Variants in LIMS1 observed in about 807,000 individuals in gnomAD.
LIMS1 encodes the protein LIM zinc finger domain containing 1.
LIMS1 carries 18 observed loss-of-function variants against 44.1 expected under a neutral mutation model. The observed-to-expected ratio is 0.41, with a 90% CI of 0.28 to 0.61. LIMS1 has a LOEUF of 0.61. Ranked by LOEUF, LIMS1 falls within the 20% of genes least tolerant of loss-of-function variation. The pLI is 0.32. For synonymous variants in LIMS1, 93 were observed against 149.1 expected (o/e 0.62, Z 2.74); for missense variants, 201 against 422.0 (o/e 0.48, Z 4.59).
At chr2:108,592,398 A>G (rs1185684106) in intron 1 of LIMS1, among the ~76,000 whole-genome samples, 1 of 152,218 alleles carries the variant, frequency 6.6e-6, no homozygotes, top group East Asian at 1.9e-4. Context: ...ATACTTTATC[A>G]GCCCAGATGG....
intron 1 of LIMS1, among the ~76,000 whole-genome samples, chr2:108,574,669 C>G (rs534437922): frequency 6.6e-6 from 1 of 152,242 alleles, no homozygotes; most frequent in East Asian, 1.9e-4. Flanking sequence ...TATTACTATA[C>G]CTGTTTTACA....
chr2:108,627,495 G>A (rs918947318), intron 1 of LIMS1, among the ~76,000 whole-genome samples: 1 of 147,712 alleles, frequency 6.8e-6, no homozygotes, highest in African/African-American at 2.5e-5. Flanking sequence ...TTGTCAGTAC[G>A]CATCATATTA....
At chr2:108,566,152 G>C (rs984112719) in intron 1 of LIMS1, among the ~76,000 whole-genome samples, 4 of 152,128 alleles carry the variant, frequency 2.6e-5, no homozygotes, top group Non-Finnish European at 5.9e-5. Flanking sequence ...GGCAGGTTAG[G>C]CCACTTCTCT....
chr2:108,616,684 A>G (rs184867641), intron 1 of LIMS1, among the ~76,000 whole-genome samples: 16 of 152,190 alleles, frequency 1.1e-4, no homozygotes, highest in Admixed American at 4.6e-4. Context: ...GTTTTTGTGG[A>G]CAGATGCTTC....
chr2:108,674,018 T>C (rs1244988447), intron 5 of LIMS1: 1 of 152,172 alleles, frequency 6.6e-6, no homozygotes, highest in African/African-American at 2.4e-5. Flanking sequence ...TGCTGCCTAG[T>C]ATAAAAATTT....
intron 1 of LIMS1, among the ~76,000 whole-genome samples, chr2:108,560,194 A>T (rs1194178666): frequency 7.9e-5 from 12 of 152,184 alleles, no homozygotes; most frequent in Middle Eastern, 6.8e-3. Context: ...TAGCTTCCTA[A>T]CGAGTTTCCC....
At chr2:108,577,629 A>G (rs933114068) in intron 1 of LIMS1, among the ~76,000 whole-genome samples, 1 of 152,346 alleles carries the variant, frequency 6.6e-6, no homozygotes, top group East Asian at 1.9e-4. Flanking sequence ...TAATTTTTAC[A>G]ATAACTAAAT....
chr2:108,585,217 G>A (rs1686053938), intron 1 of LIMS1, among the ~76,000 whole-genome samples: 1 of 151,462 alleles, frequency 6.6e-6, no homozygotes, highest in South Asian at 2.1e-4. Flanking sequence ...CTTAAGGGAT[G>A]CTGACTGTCC....
At chr2:108,584,787 G>T (rs930173468) in intron 1 of LIMS1, among the ~76,000 whole-genome samples, 4 of 152,122 alleles carry the variant, frequency 2.6e-5, no homozygotes, top group Non-Finnish European at 5.9e-5. Flanking sequence ...TGTGGTATGT[G>T]TATGTCCCTC....
In LIMS1 at chr2:108,648,321, C is replaced by G. The variant is rs1038587004; in HGVS notation, c.33-11284C>G. 2.0e-5 allele frequency among the ~76,000 whole-genome samples: 3 copies of G among 152,132 alleles called. No individual in the cohort carries two copies. The South Asian group carries it at 6.2e-4, about 32-fold the overall frequency. On this transcript the variant is annotated intron_variant, in intron 1 of 9. Coordinates refer to ENST00000544547, the Ensembl canonical transcript of LIMS1. ...CTGCTCAAGGAAATAAGAGAGGACA[C>G]AAACAAATGGAAAAATATTCCATGC... is the stretch of plus-strand genomic sequence containing the variant.
intron 1 of LIMS1, chr2:108,607,242 A>G: frequency 6.4e-7 from 1 of 1,551,172 alleles, no homozygotes; most frequent in Non-Finnish European, 8.7e-7. Context: ...CATCGAATCA[A>G]GATACATGAC....
At chr2:108,556,874 A>T (rs188211852) in intron 1 of LIMS1, among the ~76,000 whole-genome samples, 1 of 152,202 alleles carries the variant, frequency 6.6e-6, no homozygotes, top group South Asian at 2.1e-4. Flanking sequence ...CAGCTGACCA[A>T]TCGTTACCTA....
intron 1 of LIMS1, among the ~76,000 whole-genome samples, chr2:108,575,986 G>A (rs962195347): frequency 2.0e-5 from 3 of 152,154 alleles, no homozygotes; most frequent in Non-Finnish European, 2.9e-5. Context: ...GCCAGGATTT[G>A]AAGTCTTTCT....
chr2:108,676,095 T>G (rs1421285013), intron 6 of LIMS1, 67 bp downstream of exon 6: 2 of 1,499,232 alleles, frequency 1.3e-6, no homozygotes, highest in African/African-American at 2.8e-5. Flanking sequence ...TAACCAATAC[T>G]TTCAGATCTC....
intron 8 of LIMS1, among the ~76,000 whole-genome samples, chr2:108,679,250 G>A (rs972664431): frequency 9.9e-5 from 15 of 151,168 alleles, no homozygotes; most frequent in South Asian, 4.2e-4. Context: ...AGGCCAAGGC[G>A]GGCAGATCAA....
At chr2:108,664,847 A>G (rs1242139438) in intron 2 of LIMS1, among the ~76,000 whole-genome samples, 1 of 152,094 alleles carries the variant, frequency 6.6e-6, no homozygotes, top group Non-Finnish European at 1.5e-5. Context: ...GTGGCAAGGA[A>G]ATCTATTTCT....
At chr2:108,600,499 A>G (rs1192097900) in intron 1 of LIMS1, among the ~76,000 whole-genome samples, 1 of 152,230 alleles carries the variant, frequency 6.6e-6, no homozygotes, top group Non-Finnish European at 1.5e-5. Context: ...TTCATAGTTT[A>G]AGATCTTAGA....
intron 1 of LIMS1, among the ~76,000 whole-genome samples, chr2:108,619,421 C>T (rs535721000): frequency 1.3e-4 from 20 of 151,496 alleles, no homozygotes; most frequent in Non-Finnish European, 2.2e-4. Context: ...CGGTGGCACA[C>T]GCCTGTAATC....
At chr2:108,637,052 T>A (rs1328388144) in intron 1 of LIMS1, among the ~76,000 whole-genome samples, 1 of 151,618 alleles carries the variant, frequency 6.6e-6, no homozygotes, top group Non-Finnish European at 1.5e-5. Flanking sequence ...AAATTTAAAG[T>A]TAATGAAAGA....
Sources: gnomAD v4.1 joint callset for allele counts (sites outside exome capture counted in the v4.1 genomes callset) on GRCh38, gnomAD v4.1.1 for gene constraint, MANE v1.5 for transcripts, NCBI Gene and HGNC (gene_info 2026-07-23, HGNC 2026-07-21) for gene names.